The following KPNA1 variants were observed in gnomAD, a reference collection of about 807,000 sequenced individuals.
The protein encoded by KPNA1 is importin subunit alpha-5.
KPNA1 carries 10 observed loss-of-function variants against 70.5 expected under a neutral mutation model. The observed-to-expected ratio is 0.14, with a 90% CI of 0.09 to 0.24. The LOEUF (loss-of-function observed/expected upper bound fraction) is 0.24, where lower values mean the gene tolerates loss of function less well. Among genes scored for constraint, KPNA1 ranks in the 10% least tolerant of loss-of-function variants. The pLI, the probability that KPNA1 is intolerant of heterozygous loss-of-function variation, is 1.00. For synonymous variants in KPNA1, 192 were observed against 221.9 expected (o/e 0.87, Z 1.20); for missense variants, 397 against 637.9 (o/e 0.62, Z 4.07).
At chr3:122,461,168 A>G (rs1032665923) in intron 5 of KPNA1, 56 bp downstream of exon 5, 4 of 1,122,266 alleles carry the variant, frequency 3.6e-6, no homozygotes, top group Non-Finnish European at 5.2e-6. Context: ...TGTGTACAAA[A>G]TAAAAATTTT....
At chr3:122,448,954 A>AT (rs2076170203) in intron 9 of KPNA1, among the ~76,000 whole-genome samples, 1 of 152,210 alleles carries the variant, frequency 6.6e-6, no homozygotes. Context: ...GTATTAATAC[A>AT]TTATAACTAT....
At chr3:122,453,212 G>C (rs1428507699) in intron 6 of KPNA1, among the ~76,000 whole-genome samples, 1 of 152,100 alleles carries the variant, frequency 6.6e-6, no homozygotes, top group Non-Finnish European at 1.5e-5. Flanking sequence ...CCCAAGTGCT[G>C]GAATTACAGG....
At chr3:122,430,817 A>C (rs1353318338) in intron 12 of KPNA1, among the ~76,000 whole-genome samples, 3 of 152,284 alleles carry the variant, frequency 2.0e-5, no homozygotes, top group Non-Finnish European at 2.9e-5. Context: ...CACAGGCCTT[A>C]CTTTGTGTCA....
chr3:122,471,119 A>G (rs2076437778), intron 2 of KPNA1, among the ~76,000 whole-genome samples: 1 of 152,194 alleles, frequency 6.6e-6, no homozygotes, highest in Non-Finnish European at 1.5e-5. Context: ...TGGCCACAGA[A>G]AGTCCTCAGA....
At chr3:122,455,835 C>T (rs1576304689) in intron 5 of KPNA1, among the ~76,000 whole-genome samples, 1 of 152,192 alleles carries the variant, frequency 6.6e-6, no homozygotes, top group Admixed American at 6.5e-5. Context: ...GGATTACAAG[C>T]ATGAGCCACC....
intron 2 of KPNA1, among the ~76,000 whole-genome samples, chr3:122,485,876 A>G (rs2076623977): frequency 6.6e-6 from 1 of 152,252 alleles, no homozygotes; most frequent in Non-Finnish European, 1.5e-5. Flanking sequence ...TTAAAAAAGA[A>G]AAGATGCTTA....
chr3:122,476,357 T>A (rs1201810674), intron 2 of KPNA1, among the ~76,000 whole-genome samples: 3 of 152,078 alleles, frequency 2.0e-5, no homozygotes, highest in Non-Finnish European at 4.4e-5. Context: ...TTCTTGACAC[T>A]GGTCTAGACA....
rs1301906710 is a variant in KPNA1 at position 122,426,443 on chromosome 3, A to G, written c.*542T>C. 1.3e-5 allele frequency: 2 copies of G among 152,686 alleles called. No individual in the cohort carries two copies. The highest frequency in any genetic ancestry group is 1.3e-4 in the Admixed American group (2 of 15,280). 9.5% of individuals were successfully genotyped at this position (152,686 alleles called of 1,614,324 possible). A position where few individuals can be genotyped will look rare whatever the true frequency, so the allele number is the denominator to read the frequency against. On this transcript the variant is annotated 3_prime_UTR_variant, in exon 14 of 14. Coordinates refer to ENST00000344337, the MANE Select transcript of KPNA1 (RefSeq NM_002264.4). ...GGAAAGAAAACCATCCAATCTCAGT[A>G]AGGATTAATGCAAATCTGGCTAGAA... is the stretch of plus-strand genomic sequence containing the variant.
At chr3:122,470,878 CAA>C (rs1560039749) in intron 2 of KPNA1, among the ~76,000 whole-genome samples, 1 of 151,748 alleles carries the variant, frequency 6.6e-6, no homozygotes, top group East Asian at 1.9e-4. Context: ...AAATCAGTAA[CAA>C]ATATGGTAAA....
chr3:122,449,802 T>C, intron 8 of KPNA1, 65 bp from the exon 9 acceptor site: 10 of 1,314,898 alleles, frequency 7.6e-6, no homozygotes, highest in Non-Finnish European at 1.1e-5. Context: ...GGTGAGATAC[T>C]CAAGAAGGCA....
intron 2 of KPNA1, among the ~76,000 whole-genome samples, chr3:122,494,811 G>A (rs1483228010): frequency 6.6e-6 from 1 of 152,118 alleles, no homozygotes. Flanking sequence ...GTTAATCAAA[G>A]AGTGCCACTG....
chr3:122,464,061 G>A lies in KPNA1; in HGVS notation c.238-20C>T, dbSNP rs113540755. 8.1e-5 allele frequency: 110 copies of A among 1,354,750 alleles called. 1 individual carries two copies. The African/African-American group carries it at 1.1e-3, about 14-fold the overall frequency. 83.9% of individuals were successfully genotyped at this position (1,354,750 alleles called of 1,614,324 possible). On this transcript the variant is annotated intron_variant, in intron 3 of 13. Transcript: ENST00000344337. ...ACCACCCTGCGATCACAAACAAAAA[G>A]AACATATAATAAATTATCACCCTTA...
intron 10 of KPNA1, among the ~76,000 whole-genome samples, chr3:122,441,384 A>G (rs1009162608): frequency 2.0e-5 from 3 of 152,178 alleles, no homozygotes; most frequent in African/African-American, 7.2e-5. Context: ...GTACAAAAGG[A>G]GAAAGCTATC....
At chr3:122,460,274 A>G (rs758556823) in intron 5 of KPNA1, 25 of 979,080 alleles carry the variant, frequency 2.6e-5, no homozygotes, top group Admixed American at 1.2e-4. Flanking sequence ...ATCCAGGGGG[A>G]AAAAAAATAG....
intron 11 of KPNA1, among the ~76,000 whole-genome samples, chr3:122,436,385 C>T (rs1342632448): frequency 6.6e-6 from 1 of 152,220 alleles, no homozygotes; most frequent in East Asian, 1.9e-4. Flanking sequence ...TGACCCACAA[C>T]CTATTCGTAC....
intron 2 of KPNA1, among the ~76,000 whole-genome samples, chr3:122,493,327 A>T (rs1481865603): frequency 1.3e-5 from 2 of 150,910 alleles, no homozygotes; most frequent in Admixed American, 1.3e-4. Flanking sequence ...TCTCAGAAAT[A>T]CTACCCCACA....
chr3:122,454,141 A>T, intron 5 of KPNA1, 140 bp from the exon 6 acceptor site: 1 of 522,042 alleles, frequency 1.9e-6, no homozygotes, highest in Non-Finnish European at 3.2e-6. Context: ...TACTATATTA[A>T]TTTTAAAAGA....
At chr3:122,452,532 GGGAA>G (rs2076214367) in intron 6 of KPNA1, among the ~76,000 whole-genome samples, 2 of 43,530 alleles carry the variant, frequency 4.6e-5, no homozygotes, top group African/African-American at 7.5e-5. Flanking sequence ...GAGGGAAGGA[GGGAA>G]GGAGGGAAGG....
chr3:122,475,978 G>A (rs2076493210), intron 2 of KPNA1, among the ~76,000 whole-genome samples: 1 of 152,154 alleles, frequency 6.6e-6, no homozygotes. Context: ...GGCAAAGGCA[G>A]GGGAAAATCT....
Sources: allele counts gnomAD v4.1 joint callset (sites outside exome capture counted in the v4.1 genomes callset), GRCh38; gene constraint gnomAD v4.1.1; transcripts MANE v1.5; gene names NCBI Gene and HGNC (gene_info 2026-07-23, HGNC 2026-07-21).